DNASE1: variants seen among roughly 807,000 people sequenced by gnomAD.
The protein encoded by DNASE1 is deoxyribonuclease 1, also known as deoxyribonuclease-1.
DNASE1 carries 40 observed loss-of-function variants against 33.9 expected under a neutral mutation model. The ratio of observed to expected loss-of-function variants is 1.18; its 90% CI spans 0.92 to 1.54. The LOEUF is 1.54. Among genes scored for constraint, DNASE1 ranks in the 40% most tolerant of loss-of-function variants. DNASE1 has a pLI of 0.00. For synonymous variants in DNASE1, 216 were observed against 160.0 expected (o/e 1.35, Z -2.64); for missense variants, 518 against 372.6 (o/e 1.39, Z -3.21).
At chr16:3,651,139 T>C (rs1027176782), upstream of DNASE1, 1 of 152,226 alleles carries the variant, frequency 6.6e-6, no homozygotes, top group African/African-American at 2.4e-5. Flanking sequence ...CAACACTGGC[T>C]GTCGTTGCAC....
chr16:3,657,897 TGCCTGCAGGCCCAA>T lies in DNASE1; in HGVS notation c.802-5_810del. 4 of 1,614,056 alleles carry T rather than the reference TGCCTGCAGGCCCAA, an allele frequency of 2.5e-6. No homozygotes were observed. Among genetic ancestry groups the T allele is most frequent in the Non-Finnish European group, 3.4e-6 (4 of 1,180,018 alleles). On this transcript the variant is annotated splice_acceptor_variant and splice_polypyrimidine_tract_variant and coding_sequence_variant and intron_variant, in exon 9 of 9. Transcript: ENST00000246949. LOFTEE classifies it high-confidence loss of function. ...GCTCAGCCCAGACCCTGTGCCCACT[TGCCTGCAGGCCCAA>T]GCCATCAGTGACCACTATCCAGTGG...
At chr16:3,664,052 G>A (rs1056893330) in exon 10 of DNASE1, 3 of 509,668 alleles carry the variant, frequency 5.9e-6, no homozygotes, top group Non-Finnish European at 1.0e-5. Context: ...GAGAGAGCAA[G>A]ACTCCATCTC....
chr16:3,658,820 A>G (rs2042885430), downstream of DNASE1: 2 of 1,613,836 alleles, frequency 1.2e-6, no homozygotes, highest in South Asian at 1.1e-5. Flanking sequence ...GAGCCAGGCC[A>G]GGCTCGCTTG....
intron 1 of DNASE1, among the ~76,000 whole-genome samples, chr16:3,629,514 T>G (rs906452003): frequency 6.6e-6 from 1 of 152,204 alleles, no homozygotes; most frequent in Non-Finnish European, 1.5e-5. Flanking sequence ...TTTGCATCAT[T>G]GTGCATAAGG....
intron 1 of DNASE1, among the ~76,000 whole-genome samples, chr16:3,637,426 G>A (rs2041903107): frequency 6.6e-6 from 1 of 152,160 alleles, no homozygotes; most frequent in African/African-American, 2.4e-5. Flanking sequence ...GTCTTTTTGT[G>A]AGCCTGTGCC....
chr16:3,662,667 G>A (rs1282807871), downstream of DNASE1: 3 of 690,238 alleles, frequency 4.3e-6, no homozygotes, highest in Non-Finnish European at 7.9e-6. Flanking sequence ...CACCTGCTCT[G>A]GAGCAGGGCT....
At chr16:3,635,238 G>A (rs747796791) in intron 1 of DNASE1, among the ~76,000 whole-genome samples, 10 of 151,892 alleles carry the variant, frequency 6.6e-5, no homozygotes, top group Admixed American at 3.3e-4. Flanking sequence ...CAGATGGATC[G>A]CTTGAGGTCA....
chr16:3,653,806 CAAAAAAAAAAAAAAAAAAAAAA>C (rs71133649), upstream of DNASE1: 2 of 37,022 alleles, frequency 5.4e-5, no homozygotes, highest in African/African-American at 2.2e-4. Context: ...GATTCCGCCT[CAAAAAAAAAAAAAAAAAAAAAA>C]AAAAAAAAAA....
Position 3,644,268 on chromosome 16 carries a change from T to G in DNASE1, c.-86+1232T>G, listed in dbSNP as rs375858221. Among the ~76,000 whole-genome samples, 4 of 151,562 alleles carry G rather than the reference T, an allele frequency of 2.6e-5. No individual in the cohort carries two copies. The South Asian group carries it at 8.3e-4, about 32-fold the overall frequency. On this transcript the variant is annotated intron_variant, in intron 1 of 9. Transcript: ENST00000407479. ...AGCAAGACCTTGTCTCTACTAAAAA[T>G]TTTTTAAAATTAGGCCGGGTGCAGT... is the stretch of plus-strand genomic sequence containing the variant.
At chr16:3,623,229 A>AT (rs1326112848) in intron 1 of DNASE1, among the ~76,000 whole-genome samples, 1 of 152,178 alleles carries the variant, frequency 6.6e-6, no homozygotes, top group East Asian at 1.9e-4. Flanking sequence ...GTTGACAAAT[A>AT]TGCAGTGGGG....
chr16:3,619,156 T>C (rs1019310646), intron 1 of DNASE1, among the ~76,000 whole-genome samples: 2 of 152,024 alleles, frequency 1.3e-5, no homozygotes, highest in Non-Finnish European at 2.9e-5. Flanking sequence ...TGCCTCAGCC[T>C]CCCTAGTAGC....
chr16:3,639,529 G>A (rs2041971095), upstream of DNASE1, among the ~76,000 whole-genome samples: 1 of 152,152 alleles, frequency 6.6e-6, no homozygotes, highest in Non-Finnish European at 1.5e-5. Flanking sequence ...CATCTAGTGC[G>A]TGCTTTTGAT....
chr16:3,662,993 C>A (rs201686158), downstream of DNASE1: 1,004 of 1,562,394 alleles, frequency 6.4e-4, 7 homozygotes, highest in Admixed American at 0.011. Context: ...CGACAGGGAG[C>A]TCAGGCCTGC....
At chr16:3,656,437 C>T (rs1419002394) in intron 4 of DNASE1, among the ~76,000 whole-genome samples, 9 of 112,432 alleles carry the variant, frequency 8.0e-5, no homozygotes, top group Admixed American at 3.2e-4. Context: ...GCCCTCCTGT[C>T]GCCTGGGTCC....
chr16:3,662,066 A>T (rs2043110767), downstream of DNASE1: 1 of 1,613,308 alleles, frequency 6.2e-7, no homozygotes, highest in Non-Finnish European at 8.5e-7. Context: ...ATGCGCAGGA[A>T]GTGGCGGGCA....
At chr16:3,613,233 A>G (rs2040972946) in intron 1 of DNASE1, among the ~76,000 whole-genome samples, 1 of 152,134 alleles carries the variant, frequency 6.6e-6, no homozygotes, top group African/African-American at 2.4e-5. Context: ...ATCATGTGAT[A>G]CTTGGCTTTT....
rs141195745 is a variant in DNASE1, at chr16:3,630,515, A to G, written c.-1358-10200A>G. Among the ~76,000 whole-genome samples, 448 of 152,086 alleles carry G rather than the reference A, an allele frequency of 2.9e-3. 5 individuals carry two copies. Among genetic ancestry groups the G allele is most frequent in the African/African-American group, 9.0e-3 (372 of 41,486 alleles). ...TTCAATTCTGTCAGTTTTGCTTTAT[A>G]TATTTTGATGGTCTGTTATTAGTTG... is the stretch of plus-strand genomic sequence containing the variant. On this transcript the variant is annotated intron_variant and NMD_transcript_variant, in intron 1 of 11. Coordinates refer to the DNASE1 transcript ENST00000570769.
exon 1 of DNASE1, chr16:3,611,770 C>A (rs900587510): frequency 6.6e-6 from 1 of 151,140 alleles, no homozygotes; most frequent in Non-Finnish European, 1.5e-5. Context: ...GAGGCGGAAG[C>A]GGCGCTTGCT....
At chr16:3,649,034 C>CTCTGG (rs2042253798) in intron 1 of DNASE1, among the ~76,000 whole-genome samples, 1 of 152,184 alleles carries the variant, frequency 6.6e-6, no homozygotes. Context: ...GAACGTGAGC[C>CTCTGG]TCTGTCCTTG....
Sources: gnomAD v4.1 joint callset for allele counts (sites outside exome capture counted in the v4.1 genomes callset) on GRCh38, gnomAD v4.1.1 for gene constraint, MANE v1.5 for transcripts, NCBI Gene and HGNC (gene_info 2026-07-23, HGNC 2026-07-21) for gene names.